MIA2: variants seen among roughly 807,000 people sequenced by gnomAD.
MIA2 encodes the protein melanoma inhibitory activity protein 2.
A neutral mutation model predicts 167.8 loss-of-function variants in MIA2; 127 were observed. The observed-to-expected ratio is 0.76, with a 90% CI of 0.66 to 0.88. MIA2 has a LOEUF of 0.88. MIA2 is among the 40% of genes least tolerant of loss of function. MIA2 has a pLI of 0.00. For synonymous variants in MIA2, 552 were observed against 541.9 expected (o/e 1.02, Z -0.26); for missense variants, 1,690 against 1,624.7 (o/e 1.04, Z -0.69).
At position 39,319,092 on chromosome 14, in the gene MIA2, GT is replaced by G. The variant is rs1190487238; in HGVS notation, c.3285-114del. 6.4e-6 allele frequency: 3 copies of G among 469,186 alleles called. No individual in the cohort carries two copies. In the South Asian group the frequency reaches 1.8e-4, roughly 28 times the overall value. 29.1% of individuals were successfully genotyped at this position (469,186 alleles called of 1,614,324 possible). On this transcript the variant is annotated intron_variant, in intron 22 of 28. Transcript: ENST00000640607. ...TGGTCAGAATAATTTTAGAGGATCT[GT>G]TTGTTCTGTGTAGATATTAAAATAG...
chr14:39,320,921 AT>A lies in MIA2; in HGVS notation c.3368-5del. 6.2e-6 allele frequency: 10 copies of A among 1,609,394 alleles called. No individual in the cohort carries two copies. The highest frequency in any genetic ancestry group is 8.5e-6 in the Non-Finnish European group (10 of 1,178,784). On this transcript the variant is annotated splice_region_variant and splice_polypyrimidine_tract_variant and intron_variant, in intron 23 of 28. Coordinates refer to ENST00000640607, the MANE Select transcript of MIA2 (RefSeq NM_001329214.4). ...TGAATTTAAATATGCTGTTTTAATT[AT>A]TCCAGAGCATTCCCCATATGGTCCC...
chr14:39,319,531 C>T (rs905542524), intron 23 of MIA2, among the ~76,000 whole-genome samples: 8 of 151,692 alleles, frequency 5.3e-5, no homozygotes, highest in Non-Finnish European at 1.0e-4. Flanking sequence ...TAAGATGATA[C>T]ATATTTAGTA....
chr14:39,296,522 C>T (rs1433905489), intron 13 of MIA2, among the ~76,000 whole-genome samples: 3 of 151,578 alleles, frequency 2.0e-5, no homozygotes, highest in African/African-American at 7.3e-5. Context: ...ACCTCGTGAT[C>T]CACCCGCCTC....
chr14:39,324,794 A>G (rs192644993), intron 24 of MIA2, among the ~76,000 whole-genome samples: 124 of 152,084 alleles, frequency 8.2e-4, no homozygotes, highest in Non-Finnish European at 1.4e-3. Context: ...TTCAGTAGAG[A>G]TGGGGTTTCA....
chr14:39,348,157 C>G (rs542608359), intron 27 of MIA2, among the ~76,000 whole-genome samples: 2 of 152,254 alleles, frequency 1.3e-5, no homozygotes, highest in South Asian at 2.1e-4. Context: ...TCATGCTTTA[C>G]TAGAATAGAA....
intron 17 of MIA2, among the ~76,000 whole-genome samples, chr14:39,305,928 T>A (rs1241020228): frequency 1.7e-5 from 2 of 117,828 alleles, no homozygotes; most frequent in African/African-American, 5.8e-5. Flanking sequence ...CAAGCGAGAC[T>A]TTGTCTCAAA....
intron 23 of MIA2, among the ~76,000 whole-genome samples, chr14:39,320,121 C>A (rs1170319107): frequency 7.2e-6 from 1 of 139,372 alleles, no homozygotes; most frequent in Non-Finnish European, 1.5e-5. Context: ...TTGTCTGAAT[C>A]CAACACAAAA....
At chr14:39,243,788 C>T (rs1470661722) in intron 3 of MIA2, among the ~76,000 whole-genome samples, 1 of 152,184 alleles carries the variant, frequency 6.6e-6, no homozygotes, top group Non-Finnish European at 1.5e-5. Context: ...ATTGCTTGAA[C>T]CCGGGAGGCA....
chr14:39,269,076 T>TTTTTTC, intron 6 of MIA2: 1 of 301,642 alleles, frequency 3.3e-6, no homozygotes, highest in Non-Finnish European at 3.7e-6. Context: ...CCTGCACAGT[T>TTTTTTC]TTTTTTTTTT....
chr14:39,317,429 A>G (rs1265352357), intron 21 of MIA2, among the ~76,000 whole-genome samples: 2 of 152,126 alleles, frequency 1.3e-5, no homozygotes, highest in East Asian at 1.9e-4. Context: ...TGTTCATTTC[A>G]ATGAACTAAT....
intron 2 of MIA2, among the ~76,000 whole-genome samples, chr14:39,239,161 A>G (rs1030753114): frequency 6.6e-6 from 1 of 152,170 alleles, no homozygotes; most frequent in African/African-American, 2.4e-5. Context: ...ATCAGGGGCT[A>G]TAGGACTGGA....
intron 2 of MIA2, among the ~76,000 whole-genome samples, chr14:39,238,485 GT>G (rs1184380919): frequency 6.6e-6 from 1 of 151,960 alleles, no homozygotes; most frequent in Non-Finnish European, 1.5e-5. Context: ...AGGTGTATAA[GT>G]TTTTTATAGA....
chr14:39,385,993 C>G, intron 23 of MIA2: 1 of 870,734 alleles, frequency 1.1e-6, no homozygotes, highest in Non-Finnish European at 1.9e-6. Context: ...GCAAGAACGC[C>G]TCCATCCAGC....
chr14:39,268,575 A>T (rs1468729986), intron 6 of MIA2, among the ~76,000 whole-genome samples: 1 of 152,198 alleles, frequency 6.6e-6, no homozygotes, highest in Non-Finnish European at 1.5e-5. Context: ...AGTGATGGGC[A>T]ATGATGCTTG....
chr14:39,357,095 C>G (rs1488935692), intron 23 of MIA2, among the ~76,000 whole-genome samples: 1 of 152,114 alleles, frequency 6.6e-6, no homozygotes, highest in African/African-American at 2.4e-5. Flanking sequence ...GAGTTCAGTT[C>G]CTGGATATCC....
At chr14:39,285,048 T>A (rs905234372) in intron 9 of MIA2, among the ~76,000 whole-genome samples, 1 of 152,218 alleles carries the variant, frequency 6.6e-6, no homozygotes, top group African/African-American at 2.4e-5. Flanking sequence ...AGCACATGTT[T>A]CAGAGAGCAC....
At chr14:39,382,733 C>T (rs928961071) in intron 23 of MIA2, among the ~76,000 whole-genome samples, 1 of 152,178 alleles carries the variant, frequency 6.6e-6, no homozygotes, top group African/African-American at 2.4e-5. Flanking sequence ...GCTTGTATGA[C>T]TCTGCTTTCA....
At chr14:39,277,684 A>C (rs2058231792) in intron 7 of MIA2, among the ~76,000 whole-genome samples, 1 of 9,356 alleles carries the variant, frequency 1.1e-4, no homozygotes, top group Non-Finnish European at 1.8e-4. Flanking sequence ...ATATATATAT[A>C]TATGTGTGTA....
intron 6 of MIA2, among the ~76,000 whole-genome samples, chr14:39,274,885 G>A (rs1417613298): frequency 1.4e-5 from 2 of 147,222 alleles, no homozygotes; most frequent in East Asian, 4.4e-4. Flanking sequence ...GACCAGTCTG[G>A]CCAACATGGT....
Sources: allele counts gnomAD v4.1 joint callset (sites outside exome capture counted in the v4.1 genomes callset), GRCh38; gene constraint gnomAD v4.1.1; transcripts MANE v1.5; gene names NCBI Gene and HGNC (gene_info 2026-07-23, HGNC 2026-07-21).